The following TPRG1 variants were observed in gnomAD, a reference collection of about 807,000 sequenced individuals.
TPRG1 encodes tumor protein p63 regulated 1, also known as tumor protein p63-regulated gene 1 protein.
TPRG1 carries 29 observed loss-of-function variants against 29.3 expected under a neutral mutation model. The ratio of observed to expected loss-of-function variants is 0.99; its 90% CI spans 0.74 to 1.35. TPRG1 has a LOEUF of 1.35. Among genes scored for constraint, TPRG1 ranks in the 40% most tolerant of loss-of-function variants. The pLI, the probability that TPRG1 is intolerant of heterozygous loss-of-function variation, is 0.00. For missense variants in TPRG1, 327 were observed against 335.0 expected (o/e 0.98, Z 0.19); for synonymous variants, 130 against 116.8 (o/e 1.11, Z -0.73).
intron 4 of TPRG1, among the ~76,000 whole-genome samples, chr3:189,069,804 C>G (rs1488979598): frequency 6.6e-6 from 1 of 152,106 alleles, no homozygotes; most frequent in Non-Finnish European, 1.5e-5. Flanking sequence ...GAATACTACT[C>G]CACAATACAA....
intron 4 of TPRG1, among the ~76,000 whole-genome samples, chr3:189,250,397 G>A (rs777328725): frequency 2.7e-5 from 4 of 150,042 alleles, no homozygotes; most frequent in Non-Finnish European, 4.4e-5. Flanking sequence ...GACATTAATC[G>A]TCATTCTGCT....
rs77774951 is a variant in TPRG1, at chr3:189,283,995, T to C, written c.480-26391T>C. On this transcript the variant is annotated intron_variant, in intron 4 of 5. Transcript: ENST00000345063. The stretch of plus-strand genomic sequence containing the variant: ...ACTTTTCCCTTGGCCTATTACCAGA[T>C]TGTATGAAAATCAGGGACAGGGCAA... Among the ~76,000 whole-genome samples, 1,136 of 152,258 alleles carry C rather than the reference T, an allele frequency of 7.5e-3. 23 individuals carry two copies. Among genetic ancestry groups the C allele is most frequent in the African/African-American group, 0.026 (1,087 of 41,550 alleles).
intron 4 of TPRG1, among the ~76,000 whole-genome samples, chr3:189,277,235 T>C (rs563777835): frequency 6.6e-6 from 1 of 152,184 alleles, no homozygotes; most frequent in East Asian, 1.9e-4. Flanking sequence ...GTGATGGGGG[T>C]AAGTCCGTAT....
At chr3:189,051,140 A>C (rs1199468383) in intron 4 of TPRG1, among the ~76,000 whole-genome samples, 1 of 152,226 alleles carries the variant, frequency 6.6e-6, no homozygotes, top group Non-Finnish European at 1.5e-5. Context: ...GAGGAAGTCA[A>C]AATGTCACTG....
intron 1 of TPRG1, among the ~76,000 whole-genome samples, chr3:189,204,978 T>C (rs868695269): frequency 0.025 from 2,369 of 96,246 alleles, 63 homozygotes; most frequent in African/African-American, 0.077. Context: ...CACACACACA[T>C]ACACTCTTTC....
chr3:189,199,957 G>A (rs927599563), intron 1 of TPRG1, among the ~76,000 whole-genome samples: 1 of 152,134 alleles, frequency 6.6e-6, no homozygotes, highest in African/African-American at 2.4e-5. Flanking sequence ...AAACAATCAA[G>A]TCTCACCTTT....
chr3:189,150,472 C>T (rs572414194), intron 4 of TPRG1, among the ~76,000 whole-genome samples: 4 of 152,306 alleles, frequency 2.6e-5, no homozygotes, highest in East Asian at 1.9e-4. Context: ...TGAGCCACCG[C>T]GCCGAGATCT....
chr3:189,094,095 G>A (rs1325427200), intron 4 of TPRG1, among the ~76,000 whole-genome samples: 1 of 152,104 alleles, frequency 6.6e-6, no homozygotes, highest in African/African-American at 2.4e-5. Flanking sequence ...CCCTAAGCTC[G>A]AACCCTGGGA....
chr3:189,182,428 T>C (rs1730349686), intron 1 of TPRG1, among the ~76,000 whole-genome samples: 1 of 152,206 alleles, frequency 6.6e-6, no homozygotes, highest in South Asian at 2.1e-4. Context: ...CTGACTAACA[T>C]GTTTTAAACA....
intron 3 of TPRG1, chr3:189,218,095 C>A: frequency 4.4e-6 from 4 of 918,336 alleles, no homozygotes; most frequent in Non-Finnish European, 5.2e-6. Context: ...ACTACCCTAG[C>A]CTCACCAACC....
chr3:189,028,207 C>T (rs1713758578), intron 4 of TPRG1, among the ~76,000 whole-genome samples: 1 of 152,156 alleles, frequency 6.6e-6, no homozygotes, highest in Non-Finnish European at 1.5e-5. Context: ...AGGCCTAACT[C>T]CAGTCAATCA....
chr3:189,251,415 AGGT>A (rs1456744933), intron 4 of TPRG1, among the ~76,000 whole-genome samples: 1 of 152,154 alleles, frequency 6.6e-6, no homozygotes, highest in Non-Finnish European at 1.5e-5. Flanking sequence ...GTTTCTCGTT[AGGT>A]GGAACGAGAG....
intron 3 of TPRG1, among the ~76,000 whole-genome samples, chr3:189,005,539 T>C (rs1287263153): frequency 1.3e-5 from 2 of 152,110 alleles, no homozygotes; most frequent in Non-Finnish European, 1.5e-5. Flanking sequence ...ATTTAGGAAA[T>C]TTTGCTGACA....
chr3:189,206,241 A>G (rs1457816681), intron 1 of TPRG1, among the ~76,000 whole-genome samples: 1 of 150,624 alleles, frequency 6.6e-6, no homozygotes, highest in Non-Finnish European at 1.5e-5. Context: ...TTTATAATAT[A>G]TTTTGGATAT....
At chr3:189,094,997 G>C (rs565905662) in intron 4 of TPRG1, among the ~76,000 whole-genome samples, 1 of 152,164 alleles carries the variant, frequency 6.6e-6, no homozygotes, top group Non-Finnish European at 1.5e-5. Context: ...TATCAGTCTT[G>C]TGTCATGTGT....
chr3:189,314,358 A>T lies in TPRG1; in HGVS notation c.633+3819A>T, dbSNP rs77754762. ...TAGTCATGGGGCTGGTGGGTCAGGA[A>T]GGTACCCAAAGAAAGAGCATTAATG... On this transcript the variant is annotated intron_variant, in intron 5 of 5. Coordinates refer to ENST00000345063, the MANE Select transcript of TPRG1 (RefSeq NM_198485.4). Among the ~76,000 whole-genome samples the T allele has an allele frequency of 0.017, 2,624 of 152,278 alleles. 161 individuals carry two copies. In the East Asian group the frequency reaches 0.22, roughly 12 times the overall value.
intron 4 of TPRG1, among the ~76,000 whole-genome samples, chr3:189,060,115 C>T (rs1305599011): frequency 1.3e-5 from 2 of 152,096 alleles, no homozygotes; most frequent in Non-Finnish European, 2.9e-5. Context: ...GCCTGTAATC[C>T]CAGCTTTTCA....
chr3:189,050,537 A>G (rs1715250985), intron 4 of TPRG1, among the ~76,000 whole-genome samples: 1 of 152,204 alleles, frequency 6.6e-6, no homozygotes, highest in Non-Finnish European at 1.5e-5. Context: ...TTTTGACACT[A>G]TTCCACAAGA....
At chr3:189,041,080 AT>A (rs1714605324) in intron 4 of TPRG1, among the ~76,000 whole-genome samples, 1 of 152,136 alleles carries the variant, frequency 6.6e-6, no homozygotes, top group Non-Finnish European at 1.5e-5. Context: ...ACAGCTCTAG[AT>A]TTGGTGAAAG....
Sources: allele counts gnomAD v4.1 joint callset (sites outside exome capture counted in the v4.1 genomes callset), GRCh38; gene constraint gnomAD v4.1.1; transcripts MANE v1.5; gene names NCBI Gene and HGNC (gene_info 2026-07-23, HGNC 2026-07-21).